Variants in PCDH15 observed in about 807,000 individuals in gnomAD.
PCDH15 encodes protocadherin-15.
A neutral mutation model predicts 178.5 loss-of-function variants in PCDH15; 129 were observed. The observed-to-expected ratio is 0.72, with a 90% CI of 0.63 to 0.84. PCDH15 has a LOEUF of 0.84. PCDH15 is among the 40% of genes least tolerant of loss of function. PCDH15 has a pLI of 0.00. For missense variants in PCDH15, 2,230 were observed against 2,099.9 expected (o/e 1.06, Z -1.21); for synonymous variants, 800 against 732.0 (o/e 1.09, Z -1.50).
chr10:54,469,647 GT>G (rs1340802839), intron 3 of PCDH15, among the ~76,000 whole-genome samples: 1 of 152,134 alleles, frequency 6.6e-6, no homozygotes, highest in Non-Finnish European at 1.5e-5. Context: ...ACTAGCACTG[GT>G]GTCAGCAGGT....
intron 2 of PCDH15, among the ~76,000 whole-genome samples, chr10:55,096,929 T>C (rs1241948934): frequency 6.6e-6 from 1 of 152,120 alleles, no homozygotes; most frequent in Non-Finnish European, 1.5e-5. Context: ...ATATTTCAAC[T>C]GACAGCTCAC....
At chr10:55,155,726 C>T (rs2891558) in intron 2 of PCDH15, among the ~76,000 whole-genome samples, 81,958 of 151,772 alleles carry the variant, frequency 0.54, 23,879 homozygotes, top group Non-Finnish European at 0.65. Flanking sequence ...TGAAACTATC[C>T]CAAGGATGCC....
chr10:55,153,551 C>T (rs1186971904), intron 2 of PCDH15, among the ~76,000 whole-genome samples: 2 of 152,132 alleles, frequency 1.3e-5, no homozygotes, highest in Non-Finnish European at 2.9e-5. Flanking sequence ...AGTCATACAG[C>T]TCTTAATTGT....
chr10:54,712,006 A>G (rs116513972), intron 1 of PCDH15, among the ~76,000 whole-genome samples: 1 of 151,900 alleles, frequency 6.6e-6, no homozygotes, highest in African/African-American at 2.4e-5. Flanking sequence ...ATACAAATGA[A>G]TATTACACAT....
intron 14 of PCDH15, among the ~76,000 whole-genome samples, chr10:54,134,788 T>G (rs1195388420): frequency 6.6e-6 from 1 of 151,036 alleles, no homozygotes; most frequent in African/African-American, 2.4e-5. Flanking sequence ...ATTCAGATCA[T>G]AGGCACTAAA....
intron 8 of PCDH15, among the ~76,000 whole-genome samples, chr10:54,303,539 C>T (rs1054885998): frequency 2.0e-5 from 3 of 151,968 alleles, no homozygotes; most frequent in Admixed American, 6.6e-5. Context: ...TAGAGTAATG[C>T]AACTGAAAGT....
chr10:55,005,143 G>A (rs10740605), intron 2 of PCDH15, among the ~76,000 whole-genome samples: 109,761 of 150,178 alleles, frequency 0.73, 40,229 homozygotes, highest in East Asian at 0.87. Context: ...AAGCTGAAAT[G>A]GCAGGACTTT....
At chr10:54,885,640 C>T (rs117105436) in intron 3 of PCDH15, among the ~76,000 whole-genome samples, 1,994 of 152,054 alleles carry the variant, frequency 0.013, 24 homozygotes, top group South Asian at 0.025. Flanking sequence ...TTAAGATGAT[C>T]GCAAACTCAT....
At chr10:55,351,845 C>T (rs533267232) in intron 2 of PCDH15, among the ~76,000 whole-genome samples, 1 of 152,246 alleles carries the variant, frequency 6.6e-6, no homozygotes, top group South Asian at 2.1e-4. Flanking sequence ...GATTCAACAT[C>T]TCTGCGTGTT....
intron 2 of PCDH15, among the ~76,000 whole-genome samples, chr10:55,371,814 G>A (rs1845514788): frequency 6.6e-6 from 1 of 151,924 alleles, no homozygotes; most frequent in South Asian, 2.1e-4. Flanking sequence ...AATACAAACA[G>A]ATATGTAGTT....
chr10:53,919,113 A>G (rs952900795), intron 25 of PCDH15, among the ~76,000 whole-genome samples: 3 of 152,152 alleles, frequency 2.0e-5, no homozygotes, highest in Non-Finnish European at 4.4e-5. Context: ...GAGTCCACCC[A>G]GATAGTCCAG....
At chr10:55,467,455 T>G (rs570104405) in intron 2 of PCDH15, among the ~76,000 whole-genome samples, 18 of 151,478 alleles carry the variant, frequency 1.2e-4, no homozygotes, top group African/African-American at 4.1e-4. Flanking sequence ...GACCAAAATA[T>G]CTACAAAATG....
intron 10 of PCDH15, among the ~76,000 whole-genome samples, chr10:54,211,159 A>C (rs973399805): frequency 6.6e-6 from 1 of 152,136 alleles, no homozygotes; most frequent in Non-Finnish European, 1.5e-5. Context: ...GAGTTCTTAA[A>C]TGTGCTTTCA....
rs557029318 is a variant in PCDH15, at chr10:54,951,611, G to T, written c.-79-54111C>A. 1.3e-3 allele frequency among the ~76,000 whole-genome samples: 203 copies of T among 151,990 alleles called. 2 individuals are homozygous for T. In the Middle Eastern group the frequency reaches 0.024, roughly 18 times the overall value. ...GACTGCTGAATAATATGGTAAGAGTGTTTTTAGTTTTGTAAGAAACTGTCA... is the reference window on the plus strand; with the variant it reads ...GACTGCTGAATAATATGGTAAGAGTTTTTTTAGTTTTGTAAGAAACTGTCA... On this transcript the variant is annotated intron_variant, in intron 2 of 5. Transcript: ENST00000458638.
intron 2 of PCDH15, among the ~76,000 whole-genome samples, chr10:55,164,840 G>T (rs1839155640): frequency 6.6e-6 from 1 of 152,052 alleles, no homozygotes; most frequent in Non-Finnish European, 1.5e-5. Context: ...TACGCAAGCG[G>T]ATTGAAAAGG....
chr10:53,822,211 C>T, intron 32 of PCDH15: 1 of 1,613,918 alleles, frequency 6.2e-7, no homozygotes. Flanking sequence ...CAGACACACT[C>T]TGTGGACAGA....
At chr10:55,578,758 G>T (rs370224807) in intron 2 of PCDH15, among the ~76,000 whole-genome samples, 1 of 152,140 alleles carries the variant, frequency 6.6e-6, no homozygotes. Flanking sequence ...GGAAGGGGAA[G>T]GGGGAGCAAA....
At chr10:55,412,881 A>T (rs920488801) in intron 2 of PCDH15, among the ~76,000 whole-genome samples, 17 of 36,114 alleles carry the variant, frequency 4.7e-4, no homozygotes, top group African/African-American at 1.5e-3. Context: ...AACAATAATC[A>T]CACACACACA....
At chr10:55,442,457 A>ATATATAT (rs1839210858) in intron 2 of PCDH15, among the ~76,000 whole-genome samples, 1 of 67,612 alleles carries the variant, frequency 1.5e-5, no homozygotes, top group African/African-American at 7.3e-5. Flanking sequence ...TAATTTGATT[A>ATATATAT]TATATATATA....
Sources: gnomAD v4.1 joint callset for allele counts (sites outside exome capture counted in the v4.1 genomes callset) on GRCh38, gnomAD v4.1.1 for gene constraint, MANE v1.5 for transcripts, NCBI Gene and HGNC (gene_info 2026-07-23, HGNC 2026-07-21) for gene names.